SBNO1: variants seen among roughly 807,000 people sequenced by gnomAD.
The protein encoded by SBNO1 is protein strawberry notch homolog 1.
In SBNO1, 23 loss-of-function variants were observed where a neutral mutation model predicts 173.6. That is an observed-to-expected ratio of 0.13 (90% CI 0.10 to 0.19). The LOEUF is 0.19. Ranked by LOEUF, SBNO1 falls within the 10% of genes least tolerant of loss-of-function variation. The pLI is 1.00. For missense variants in SBNO1, 1,238 were observed against 1,671.2 expected, an observed-to-expected ratio of 0.74 and a Z score of 4.52; for synonymous variants, 632 against 571.5, an observed-to-expected ratio of 1.11 and a Z score of -1.51.
intron 1 of SBNO1, among the ~76,000 whole-genome samples, chr12:123,356,103 G>A (rs1440555392): frequency 6.6e-6 from 1 of 152,164 alleles, no homozygotes; most frequent in East Asian, 1.9e-4. Flanking sequence ...CAGTGGCTGA[G>A]GAGATCATGG....
intron 17 of SBNO1, 41 bp downstream of exon 17, chr12:123,321,494 A>G (rs1566034458): frequency 7.2e-7 from 1 of 1,380,462 alleles, no homozygotes; most frequent in South Asian, 1.2e-5. Context: ...ATATACTGAA[A>G]TATTATATGC....
intron 28 of SBNO1, among the ~76,000 whole-genome samples, chr12:123,305,516 A>G (rs1345421583): frequency 2.0e-5 from 3 of 152,128 alleles, no homozygotes; most frequent in Admixed American, 6.6e-5. Context: ...CTCTGTCACC[A>G]GCCTGGAGCA....
intron 24 of SBNO1, among the ~76,000 whole-genome samples, chr12:123,312,983 T>C (rs1308127322): frequency 6.6e-6 from 1 of 151,954 alleles, no homozygotes; most frequent in Non-Finnish European, 1.5e-5. Flanking sequence ...AGCGGGCAGA[T>C]CATGAAGTCA....
rs11288218 is a variant in SBNO1 at position 123,291,679 on chromosome 12, T to TAAAAAAAAAAAA, written c.*4217_*4228dup. 8.4e-6 allele frequency: 1 copy of TAAAAAAAAAAAA among 118,622 alleles called. No homozygotes were observed. Among genetic ancestry groups the TAAAAAAAAAAAA allele is most frequent in the Non-Finnish European group, 1.7e-5 (1 of 57,938 alleles). 7.3% of individuals were successfully genotyped at this position (118,622 alleles called of 1,614,324 possible). The stretch of plus-strand genomic sequence containing the variant: ...AATGAAAAGTTTTCCATACTTTTCT[T>TAAAAAAAAAAAA]AAAAAAAAAAAAAAAAAAAAGTCAT... On this transcript the variant is annotated 3_prime_UTR_variant, in exon 32 of 32. Coordinates refer to ENST00000602398, the MANE Select transcript of SBNO1 (RefSeq NM_001167856.3).
Position 123,327,587 on chromosome 12 carries a change from A to C in SBNO1, c.1539-8T>G. 1 of 1,612,078 alleles carries C rather than the reference A, an allele frequency of 6.2e-7. No homozygotes were observed. The highest frequency in any genetic ancestry group is 8.5e-7 in the Non-Finnish European group (1 of 1,178,716). On this transcript the variant is annotated splice_region_variant and splice_polypyrimidine_tract_variant and intron_variant, in intron 12 of 31. Coordinates refer to ENST00000602398, the MANE Select transcript of SBNO1 (RefSeq NM_001167856.3). ...TCCATGGCACCAACTCCTCTGAATAAAATTAAAACATACAGTAATTACCAA... is the reference window on the plus strand; with the variant it reads ...TCCATGGCACCAACTCCTCTGAATACAATTAAAACATACAGTAATTACCAA...
chr12:123,289,669 C>G lies in SBNO1; in HGVS notation c.*6239G>C, dbSNP rs2048482419. 1 of 152,200 alleles carries G rather than the reference C, an allele frequency of 6.6e-6. No homozygotes were observed. The highest frequency in any genetic ancestry group is 2.1e-4 in the South Asian group (1 of 4,832). 9.4% of individuals were successfully genotyped at this position (152,200 alleles called of 1,614,324 possible). On this transcript the variant is annotated 3_prime_UTR_variant, in exon 32 of 32. Coordinates refer to ENST00000602398, the MANE Select transcript of SBNO1 (RefSeq NM_001167856.3). ...ATACAGTGTACCTCTTCCCACCTCT[C>G]ATGGATGATGGAAGATACAAGTGGT...
At chr12:123,320,341 T>A in intron 19 of SBNO1, 91 bp downstream of exon 19, 1 of 1,216,138 alleles carries the variant, frequency 8.2e-7, no homozygotes, top group Non-Finnish European at 1.2e-6. Flanking sequence ...TCTAAGAAAT[T>A]TAGATTATTA....
At chr12:123,339,374 A>C (rs11609197) in intron 5 of SBNO1, among the ~76,000 whole-genome samples, 1 of 150,436 alleles carries the variant, frequency 6.6e-6, no homozygotes. Flanking sequence ...TCTTTTGCCT[A>C]CTCCTACTCA....
chr12:123,323,792 A>T lies in SBNO1; in HGVS notation c.2013T>A (p.Ala671=). 2 of 1,611,736 alleles carry T rather than the reference A, an allele frequency of 1.2e-6. No homozygotes were observed. The highest frequency in any genetic ancestry group is 1.7e-6 in the Non-Finnish European group (2 of 1,178,964). Reference sequence around the variant, plus strand: ...AACTATAAAGTTTTTTCCTGTCTGGAGCAGGAAAATGTTTTTCAATGAGTG... The same window carrying T: ...AACTATAAAGTTTTTTCCTGTCTGGTGCAGGAAAATGTTTTTCAATGAGTG... The part of the protein sequence containing the change: ...LQSLIEKHFP[A]PDRKKLYSLL... Residue 671 remains alanine (A), a synonymous_variant, in exon 16 of 32, where the codon GCT becomes GCA. Coordinates refer to ENST00000602398, the MANE Select transcript of SBNO1 (RefSeq NM_001167856.3).
chr12:123,322,893 A>G (rs1365370445), intron 16 of SBNO1, among the ~76,000 whole-genome samples: 1 of 138,044 alleles, frequency 7.2e-6, no homozygotes, highest in Non-Finnish European at 1.6e-5. Context: ...AAAAAAAAAA[A>G]GAAAAAAAAA....
intron 4 of SBNO1, among the ~76,000 whole-genome samples, chr12:123,342,280 T>G (rs1393013774): frequency 6.6e-6 from 1 of 150,720 alleles, no homozygotes; most frequent in Non-Finnish European, 1.5e-5. Flanking sequence ...TTAATTAAAA[T>G]TTAAAAAAAT....
intron 20 of SBNO1, among the ~76,000 whole-genome samples, chr12:123,319,413 C>G (rs1229901122): frequency 6.6e-6 from 1 of 152,046 alleles, no homozygotes; most frequent in African/African-American, 2.4e-5. Flanking sequence ...TGAGTAAAGG[C>G]AATTACTAAA....
At chr12:123,323,924 G>A (rs1414205534) in intron 15 of SBNO1, 93 bp from the exon 16 acceptor site, 1 of 981,906 alleles carries the variant, frequency 1.0e-6, no homozygotes, top group African/African-American at 1.7e-5. Flanking sequence ...ACTTTGTTCA[G>A]TTTTACAAAA....
Position 123,317,281 on chromosome 12 carries a change from G to A in SBNO1, c.2875C>T (p.Arg959Ter). The A allele has an allele frequency of 6.2e-7, 1 of 1,613,900 alleles. No individual in the cohort carries two copies. The highest frequency in any genetic ancestry group is 1.1e-5 in the South Asian group (1 of 91,066). The change falls in exon 21 of 32, where the codon CGA (arginine) becomes TGA (stop). Residue 959 changes from arginine (R) to a stop codon, truncating the protein, a stop_gained. Transcript: ENST00000602398. LOFTEE classifies it high-confidence loss of function. ...AATTCTAAAGTCATATGAACTCTTC[G>A]CCTTTGATTTTTAGCTCTCCTATCT... ...QADRRAKNQR[R>*]RVHMTLELPW...
At chr12:123,303,011 A>G (rs60755632) in intron 29 of SBNO1, 111 bp from the exon 30 acceptor site, 39,564 of 798,380 alleles carry the variant, frequency 0.05, 1,884 homozygotes, top group East Asian at 0.24. Flanking sequence ...CTCTACACAA[A>G]AAGCCTAACC....
intron 3 of SBNO1, among the ~76,000 whole-genome samples, chr12:123,347,596 G>A (rs1398833261): frequency 6.6e-6 from 1 of 151,102 alleles, no homozygotes; most frequent in African/African-American, 2.4e-5. Context: ...CTTGGTCTCT[G>A]CTCACTGCAA....
intron 1 of SBNO1, chr12:123,363,763 A>AT: frequency 1.3e-6 from 1 of 745,346 alleles, no homozygotes; most frequent in Non-Finnish European, 1.6e-6. Context: ...GAGCACGCAC[A>AT]TAAAAAGAGC....
intron 30 of SBNO1, among the ~76,000 whole-genome samples, chr12:123,299,700 CAAAA>C (rs1335431645): frequency 3.1e-5 from 3 of 95,694 alleles, no homozygotes; most frequent in African/African-American, 9.8e-5. Flanking sequence ...AAAAAAAAAA[CAAAA>C]AAGCCAAGTG....
Position 123,315,644 on chromosome 12 carries a change from T to C in SBNO1, c.2952A>G (p.Ser984=). 6.2e-7 allele frequency: 1 copy of C among 1,612,250 alleles called. No homozygotes were observed. The highest frequency in any genetic ancestry group is 8.5e-7 in the Non-Finnish European group (1 of 1,178,406). Residue 984 remains serine (S), a synonymous_variant, in exon 22 of 32, where the codon TCA becomes TCG. Transcript: ENST00000602398. The part of the protein sequence containing the change: ...AIQQFGRTHR[S]NQVTAPEYVF... Reference sequence around the variant, plus strand: ...CATACTCAGGAGCAGTAACTTGGTTTGATCTATGAGTACGTCCTGCAACGA... The same window carrying C: ...CATACTCAGGAGCAGTAACTTGGTTCGATCTATGAGTACGTCCTGCAACGA...
Sources: gnomAD v4.1 joint callset for allele counts (sites outside exome capture counted in the v4.1 genomes callset) on GRCh38, gnomAD v4.1.1 for gene constraint, MANE v1.5 for transcripts, NCBI Gene and HGNC (gene_info 2026-07-23, HGNC 2026-07-21) for gene names.